The following CDC5L variants were observed in gnomAD, a reference collection of about 807,000 sequenced individuals.
CDC5L encodes cell division cycle 5-like protein.
In CDC5L, 18 loss-of-function variants were observed where a neutral mutation model predicts 104.1. That is an observed-to-expected ratio of 0.17 (90% CI 0.12 to 0.26). The LOEUF is 0.26. Among genes scored for constraint, CDC5L ranks in the 10% least tolerant of loss-of-function variants. CDC5L has a pLI of 1.00. For missense variants in CDC5L, 673 were observed against 956.9 expected (o/e 0.70, Z 3.91); for synonymous variants, 331 against 322.7 (o/e 1.03, Z -0.28).
intron 8 of CDC5L, among the ~76,000 whole-genome samples, chr6:44,409,522 T>C (rs1791535589): frequency 6.6e-6 from 1 of 152,268 alleles, no homozygotes; most frequent in South Asian, 2.1e-4. Context: ...TTCGTACATA[T>C]AGTTTGTAAT....
In CDC5L at chr6:44,430,145, T is replaced by C. The variant is rs80152853; in HGVS notation, c.2091+235T>C. Among the ~76,000 whole-genome samples, 5,111 of 151,276 alleles carry C rather than the reference T, an allele frequency of 0.034. 175 individuals are homozygous for C. The highest frequency in any genetic ancestry group is 0.087 in the African/African-American group (3,564 of 41,106). On this transcript the variant is annotated intron_variant, in intron 14 of 15. Transcript: ENST00000371477. Reference sequence around the variant, plus strand: ...ATTGTTGGCCTTCATGACTAAAGAGTGCCCTGCAAGTTGACCAGAGGTCAA... The same window carrying C: ...ATTGTTGGCCTTCATGACTAAAGAGCGCCCTGCAAGTTGACCAGAGGTCAA...
intron 6 of CDC5L, 62 bp from the exon 7 acceptor site, chr6:44,406,261 G>A (rs976195627): frequency 1.6e-6 from 2 of 1,240,010 alleles, no homozygotes; most frequent in Admixed American, 2.3e-5. Flanking sequence ...TATTTGTATG[G>A]ATTTTAATGT....
Position 44,448,735 on chromosome 6 carries a change from T to C in CDC5L, c.*2024T>C, listed in dbSNP as rs1793542908. ...TTCACTTTTATTGCATGTTTTGTTATCTGAAATGTTTAGGACAATGTTAAC... is the reference window on the plus strand; with the variant it reads ...TTCACTTTTATTGCATGTTTTGTTACCTGAAATGTTTAGGACAATGTTAAC... On this transcript the variant is annotated 3_prime_UTR_variant, in exon 16 of 16. Coordinates refer to ENST00000371477, the MANE Select transcript of CDC5L (RefSeq NM_001253.4). The C allele has an allele frequency of 1.3e-5, 2 of 152,238 alleles. No homozygotes were observed. The highest frequency in any genetic ancestry group is 2.4e-5 in the African/African-American group (1 of 41,460). 9.4% of individuals were successfully genotyped at this position (152,238 alleles called of 1,614,324 possible). A position where few individuals can be genotyped will look rare whatever the true frequency, so the allele number is the denominator to read the frequency against.
At chr6:44,438,159 G>T (rs550902412) in intron 14 of CDC5L, among the ~76,000 whole-genome samples, 1 of 152,144 alleles carries the variant, frequency 6.6e-6, no homozygotes, top group East Asian at 1.9e-4. Flanking sequence ...TATTGTCCAG[G>T]TTGGTCTCGA....
At chr6:44,412,972 C>T (rs1336845158) in intron 8 of CDC5L, among the ~76,000 whole-genome samples, 11 of 151,298 alleles carry the variant, frequency 7.3e-5, no homozygotes, top group Admixed American at 6.6e-5. Flanking sequence ...TTAGTAGAGA[C>T]GGGGTTTCAC....
chr6:44,389,612 T>G (rs980461605), intron 1 of CDC5L, among the ~76,000 whole-genome samples: 2 of 151,866 alleles, frequency 1.3e-5, no homozygotes, highest in Non-Finnish European at 2.9e-5. Context: ...GAAGGAGAGC[T>G]GACTAGTGGG....
chr6:44,399,677 C>T lies in CDC5L; in HGVS notation c.539+3237C>T, dbSNP rs549754909. ...CTTTGTTTTGTTTTGTTTTTTGAGA[C>T]GGGGTCTTGCTCTGTTGCCAGGCTG... On this transcript the variant is annotated intron_variant, in intron 5 of 15. Transcript: ENST00000371477. Among the ~76,000 whole-genome samples the T allele has an allele frequency of 5.6e-3, 853 of 152,186 alleles. 5 individuals are homozygous for T. The highest frequency in any genetic ancestry group is 9.5e-3 in the Non-Finnish European group (647 of 67,988).
chr6:44,423,645 A>G (rs566787033), intron 10 of CDC5L, among the ~76,000 whole-genome samples: 2 of 152,266 alleles, frequency 1.3e-5, no homozygotes, highest in Non-Finnish European at 1.5e-5. Flanking sequence ...GATGTTTTAG[A>G]TATAGCAACT....
At chr6:44,425,853 G>A (rs994750325) in intron 11 of CDC5L, among the ~76,000 whole-genome samples, 2 of 151,908 alleles carry the variant, frequency 1.3e-5, no homozygotes, top group African/African-American at 4.8e-5. Context: ...AGTTTGTTAC[G>A]TGATATGGAT....
chr6:44,405,231 C>T (rs886634853), intron 6 of CDC5L, among the ~76,000 whole-genome samples: 2 of 152,076 alleles, frequency 1.3e-5, no homozygotes, highest in East Asian at 1.9e-4. Context: ...TTTTCTACTC[C>T]GTTGACCTTT....
chr6:44,393,623 T>C, intron 4 of CDC5L, 50 bp downstream of exon 4: 3 of 1,559,910 alleles, frequency 1.9e-6, no homozygotes, highest in Non-Finnish European at 2.6e-6. Context: ...GTAAACTCCT[T>C]GGGCCTCACT....
chr6:44,422,188 A>G (rs1039437042), intron 9 of CDC5L, among the ~76,000 whole-genome samples: 1 of 152,208 alleles, frequency 6.6e-6, no homozygotes, highest in Non-Finnish European at 1.5e-5. Context: ...TAAAAGGAGG[A>G]ACTATTTAAT....
At chr6:44,419,679 GA>G in intron 9 of CDC5L, 82 bp downstream of exon 9, 2 of 1,019,528 alleles carry the variant, frequency 2.0e-6, no homozygotes, top group East Asian at 2.4e-5. Context: ...TGTTTACGGA[GA>G]ATGACTACTT....
At chr6:44,422,836 C>A (rs755032366) in intron 10 of CDC5L, 27 bp downstream of exon 10, 63 of 1,538,286 alleles carry the variant, frequency 4.1e-5, no homozygotes, top group Non-Finnish European at 1.2e-5. Flanking sequence ...TTTTAATACT[C>A]TTAAATTTTT....
At chr6:44,432,332 A>C (rs2153382677) in intron 14 of CDC5L, among the ~76,000 whole-genome samples, 1 of 152,302 alleles carries the variant, frequency 6.6e-6, no homozygotes, top group African/African-American at 2.4e-5. Flanking sequence ...GCTATACTTA[A>C]ATTATCCTTT....
rs938206336 is a variant in CDC5L at position 44,396,524 on chromosome 6, G to T, written c.539+84G>T. 63 of 584,118 alleles carry T rather than the reference G, an allele frequency of 1.1e-4. 1 individual carries two copies. Among genetic ancestry groups the T allele is most frequent in the East Asian group, 1.8e-4 (5 of 28,474 alleles). The allele number at this position is 584,118 out of a possible 1,614,324, so 36.2% of individuals were successfully genotyped here. On this transcript the variant is annotated intron_variant, in intron 5 of 15. Transcript: ENST00000371477. ...GAATACTTCTGTGACCAGATATGTGGTTTTTTTTTTTTTTTCCCCTCTCCA... is the reference window on the plus strand; with the variant it reads ...GAATACTTCTGTGACCAGATATGTGTTTTTTTTTTTTTTTTCCCCTCTCCA...
At chr6:44,388,712 C>T (rs1790465504) in intron 1 of CDC5L, among the ~76,000 whole-genome samples, 2 of 144,910 alleles carry the variant, frequency 1.4e-5, no homozygotes, top group Admixed American at 1.4e-4. Flanking sequence ...GCCTTCCTAG[C>T]GCTTGACATC....
At chr6:44,427,140 TGAAAG>T (rs1453382121) in intron 13 of CDC5L, among the ~76,000 whole-genome samples, 1 of 152,222 alleles carries the variant, frequency 6.6e-6, no homozygotes, top group African/African-American at 2.4e-5. Flanking sequence ...TTTTAGCTAT[TGAAAG>T]GAAGGAAGTA....
intron 14 of CDC5L, among the ~76,000 whole-genome samples, chr6:44,440,825 A>T (rs1196546992): frequency 2.0e-5 from 3 of 149,438 alleles, no homozygotes; most frequent in African/African-American, 7.5e-5. Context: ...CTCCCACCTC[A>T]GCCTCTGGAG....
Sources: gnomAD v4.1 joint callset for allele counts (sites outside exome capture counted in the v4.1 genomes callset) on GRCh38, gnomAD v4.1.1 for gene constraint, MANE v1.5 for transcripts, NCBI Gene and HGNC (gene_info 2026-07-23, HGNC 2026-07-21) for gene names.